STX16: variants seen among roughly 807,000 people sequenced by gnomAD.
STX16 encodes the protein syntaxin 16, also known as syntaxin-16.
A neutral mutation model predicts 42.7 loss-of-function variants in STX16; 28 were observed. The observed-to-expected ratio is 0.66, with a 90% CI of 0.49 to 0.90. The LOEUF is 0.90. Ranked by LOEUF, STX16 falls within the 40% of genes least tolerant of loss-of-function variation. The probability of loss-of-function intolerance (pLI) is 0.00; values close to 1 mark genes in which losing one functional copy is unlikely to be tolerated. For synonymous variants in STX16, 156 were observed against 155.2 expected (o/e 1.00, Z -0.04); for missense variants, 361 against 420.9 (o/e 0.86, Z 1.24).
intron 1 of STX16, 60 bp downstream of exon 1, chr20:58,652,198 T>G (rs942361899): frequency 1.3e-6 from 2 of 1,581,508 alleles, no homozygotes; most frequent in Non-Finnish European, 1.7e-6. Context: ...TCTGCCTGTT[T>G]GTCTGTCTCT....
chr20:58,671,928 C>G (rs950249686), intron 7 of STX16, among the ~76,000 whole-genome samples: 59 of 151,976 alleles, frequency 3.9e-4, no homozygotes, highest in Non-Finnish European at 1.2e-4. Flanking sequence ...TCAAAATGCT[C>G]CAGAATTCAA....
rs1481940008 is a variant in STX16 at position 58,657,981 on chromosome 20, C to G, written c.133-1642C>G. On this transcript the variant is annotated intron_variant, in intron 1 of 8. Coordinates refer to ENST00000371141, the MANE Select transcript of STX16 (RefSeq NM_001001433.3). The surrounding 1 kb of genome is among the most constrained non-coding windows in gnomAD (Gnocchi z 4.2). ...ACAAGCTCTGTGGCTTCAAGCAATGCATTTATACATTTTGAAGCTTAGTTT... is the reference window on the plus strand; with the variant it reads ...ACAAGCTCTGTGGCTTCAAGCAATGGATTTATACATTTTGAAGCTTAGTTT... Among the ~76,000 whole-genome samples, 1 of 152,192 alleles carries G rather than the reference C, an allele frequency of 6.6e-6. No homozygotes were observed. The highest frequency in any genetic ancestry group is 1.5e-5 in the Non-Finnish European group (1 of 68,042).
rs2123039078 is a variant in STX16 at position 58,678,006 on chromosome 20, C to T, written c.*1715C>T. The stretch of plus-strand genomic sequence containing the variant: ...GGGCCGGAGAATAAGAAGCCAGCAC[C>T]TCATCAGTCAGCCCTGCAATGTGAG... On this transcript the variant is annotated 3_prime_UTR_variant, in exon 9 of 9. Coordinates refer to ENST00000371141, the MANE Select transcript of STX16 (RefSeq NM_001001433.3). 1 of 152,378 alleles carries T rather than the reference C, an allele frequency of 6.6e-6. No homozygotes were observed. Among genetic ancestry groups the T allele is most frequent in the African/African-American group, 2.4e-5 (1 of 41,576 alleles). 9.4% of individuals were successfully genotyped at this position (152,378 alleles called of 1,614,324 possible). A position where few individuals can be genotyped will look rare whatever the true frequency, so the allele number is the denominator to read the frequency against.
At chr20:58,655,593 CAAT>C (rs769271865) in intron 1 of STX16, among the ~76,000 whole-genome samples, 5 of 152,200 alleles carry the variant, frequency 3.3e-5, no homozygotes, top group African/African-American at 4.8e-5. Context: ...TGGTGTATGA[CAAT>C]GATGGAAAAT....
rs2083958611 is a variant in STX16 at position 58,671,141 on chromosome 20, A to G, written c.649-13A>G. On this transcript the variant is annotated splice_polypyrimidine_tract_variant and intron_variant, in intron 6 of 8. Coordinates refer to ENST00000371141, the MANE Select transcript of STX16 (RefSeq NM_001001433.3). ...AAACAATCTATCCAACACATTGTGC[A>G]CTGTCTTGCTAGGGTTTTACAGAGG... 1 of 1,610,914 alleles carries G rather than the reference A, an allele frequency of 6.2e-7. No individual in the cohort carries two copies. The highest frequency in any genetic ancestry group is 8.5e-7 in the Non-Finnish European group (1 of 1,178,088).
At chr20:58,659,447 TAAAAA>T (rs754033649) in intron 1 of STX16, among the ~76,000 whole-genome samples, 171 bp from the exon 2 acceptor site, 1 of 144,794 alleles carries the variant, frequency 6.9e-6, no homozygotes, top group Non-Finnish European at 1.5e-5. Flanking sequence ...TAGCTTAATT[TAAAAA>T]AAAAAAAGGA....
intron 2 of STX16, among the ~76,000 whole-genome samples, chr20:58,663,992 CAT>C: frequency 6.6e-6 from 1 of 152,188 alleles, no homozygotes; most frequent in Middle Eastern, 3.2e-3. Context: ...AAACCAACAT[CAT>C]ATATTTGGAG....
At chr20:58,654,232 G>C (rs554525152) in intron 1 of STX16, among the ~76,000 whole-genome samples, 1 of 152,220 alleles carries the variant, frequency 6.6e-6, no homozygotes, top group East Asian at 1.9e-4. Context: ...ATTGAAAGCA[G>C]TCATATCATT....
At chr20:58,670,925 TTC>T (rs748563652) in intron 6 of STX16, among the ~76,000 whole-genome samples, 14 of 152,338 alleles carry the variant, frequency 9.2e-5, no homozygotes, top group Non-Finnish European at 1.9e-4. Context: ...AGACGTGGGC[TTC>T]TGTCTTCCCT....
intron 1 of STX16, among the ~76,000 whole-genome samples, chr20:58,653,482 G>T (rs560805813): frequency 6.6e-6 from 1 of 152,144 alleles, no homozygotes; most frequent in Non-Finnish European, 1.5e-5. Flanking sequence ...GAGTGTGTGT[G>T]AGATTTCAGT....
intron 7 of STX16, among the ~76,000 whole-genome samples, 176 bp downstream of exon 7, chr20:58,671,473 TATATTA>T (rs1238717682): frequency 2.7e-4 from 27 of 100,080 alleles, no homozygotes; most frequent in East Asian, 7.5e-4. Flanking sequence ...TGTGTGTGTG[TATATTA>T]ATATTAATCA....
rs2083608735 is a variant in STX16 at position 58,657,488 on chromosome 20, AAC to A, written c.133-2131_133-2130del. Among the ~76,000 whole-genome samples the A allele has an allele frequency of 6.6e-6, 1 of 152,214 alleles. No homozygotes were observed. Among genetic ancestry groups the A allele is most frequent in the Non-Finnish European group, 1.5e-5 (1 of 68,032 alleles). On this transcript the variant is annotated intron_variant, in intron 1 of 8. Transcript: ENST00000371141. This position sits in a 1 kb window ranked among gnomAD's most constrained non-coding sequence, Gnocchi z 4.2. Reference sequence around the variant, plus strand: ...TCAACTTTTCCAGACTTCCTGAGTAAACACAGATGGGTTTCCACTTATTTTTC... The same window carrying A: ...TCAACTTTTCCAGACTTCCTGAGTAAACAGATGGGTTTCCACTTATTTTTC...
chr20:58,676,434 T>G lies in STX16; in HGVS notation c.*143T>G. ...GCAGCGAACCTTTGCATCCACGGAC[T>G]CCTCCTTCCCTAGTCCTGCTCAAGC... is the stretch of plus-strand genomic sequence containing the variant. On this transcript the variant is annotated 3_prime_UTR_variant, in exon 9 of 9. Coordinates refer to ENST00000371141, the MANE Select transcript of STX16 (RefSeq NM_001001433.3). 1 of 695,886 alleles carries G rather than the reference T, an allele frequency of 1.4e-6. No homozygotes were observed. Among genetic ancestry groups the G allele is most frequent in the Non-Finnish European group, 2.6e-6 (1 of 391,908 alleles). 43.1% of individuals were successfully genotyped at this position (695,886 alleles called of 1,614,324 possible). A position where few individuals can be genotyped will look rare whatever the true frequency, so the allele number is the denominator to read the frequency against.
At position 58,669,281 on chromosome 20, in the gene STX16, G is replaced by A. The variant is rs768660564; in HGVS notation, c.394-10G>A. 3 of 1,609,180 alleles carry A rather than the reference G, an allele frequency of 1.9e-6. No individual in the cohort carries two copies. The highest frequency in any genetic ancestry group is 2.7e-5 in the African/African-American group (2 of 74,864). Reference sequence around the variant, plus strand: ...CAGGCTTGCCCTGAGCCTCGGGCTTGTTCTCTTAGCTCTTCCACAGGTGCC... The same window carrying A: ...CAGGCTTGCCCTGAGCCTCGGGCTTATTCTCTTAGCTCTTCCACAGGTGCC... On this transcript the variant is annotated splice_polypyrimidine_tract_variant and intron_variant, in intron 4 of 8. Coordinates refer to ENST00000371141, the MANE Select transcript of STX16 (RefSeq NM_001001433.3).
At chr20:58,675,660 GT>G (rs1034352749) in intron 8 of STX16, among the ~76,000 whole-genome samples, 1 of 152,210 alleles carries the variant, frequency 6.6e-6, no homozygotes, top group Non-Finnish European at 1.5e-5. Flanking sequence ...ACACGTGTCT[GT>G]TTTTATTTCA....
At chr20:58,665,509 C>T (rs562484947) in intron 2 of STX16, among the ~76,000 whole-genome samples, 14 of 152,142 alleles carry the variant, frequency 9.2e-5, no homozygotes, top group African/African-American at 3.1e-4. Context: ...CTTGGGCAAG[C>T]GACTTAACTT....
chr20:58,672,421 AAC>A (rs138723175), intron 7 of STX16, among the ~76,000 whole-genome samples: 12,069 of 152,084 alleles, frequency 0.079, 507 homozygotes, highest in Middle Eastern at 0.11. Context: ...AGGTATAAGA[AAC>A]ATTAATGAAT....
Position 58,651,739 on chromosome 20 carries a change from A to C in STX16, c.-268A>C. 1 of 368,834 alleles carries C rather than the reference A, an allele frequency of 2.7e-6. No individual in the cohort carries two copies. The highest frequency in any genetic ancestry group is 5.1e-6 in the Non-Finnish European group (1 of 197,340). The allele number at this position is 368,834 out of a possible 1,614,324, so 22.8% of individuals were successfully genotyped here. A position where few individuals can be genotyped will look rare whatever the true frequency, so the allele number is the denominator to read the frequency against. ...TCTCTGGGACGTTGGATCGCTACGC[A>C]AGGATTGGGGGGATTCAAGTGCTTA... On this transcript the variant is annotated 5_prime_UTR_variant, in exon 1 of 9. Coordinates refer to ENST00000371141, the MANE Select transcript of STX16 (RefSeq NM_001001433.3).
intron 7 of STX16, 71 bp downstream of exon 7, chr20:58,671,368 C>T (rs1008658916): frequency 1.3e-6 from 2 of 1,485,934 alleles, no homozygotes; most frequent in Non-Finnish European, 1.8e-6. Flanking sequence ...TTCCTGTACT[C>T]CTTTCAGGGA....
Sources: gnomAD v4.1 joint callset for allele counts (sites outside exome capture counted in the v4.1 genomes callset) on GRCh38, gnomAD v4.1.1 for gene constraint, Gnocchi (gnomAD v3.1) non-coding constraint, MANE v1.5 for transcripts, NCBI Gene and HGNC (gene_info 2026-07-23, HGNC 2026-07-21) for gene names.